Variants in CDH18 observed in about 807,000 individuals in gnomAD.
The protein encoded by CDH18 is cadherin 18.
CDH18 carries 31 observed loss-of-function variants against 67.9 expected under a neutral mutation model. The ratio of observed to expected loss-of-function variants is 0.46; its 90% CI spans 0.34 to 0.62. The LOEUF (loss-of-function observed/expected upper bound fraction) is 0.62. Among genes scored for constraint, CDH18 ranks in the 20% least tolerant of loss-of-function variants. The pLI, the probability that CDH18 is intolerant of heterozygous loss-of-function variation, is 0.01. For synonymous variants in CDH18, 362 were observed against 347.2 expected (o/e 1.04, Z -0.48); for missense variants, 890 against 975.5 (o/e 0.91, Z 1.17).
intron 2 of CDH18, among the ~76,000 whole-genome samples, chr5:20,198,128 G>C (rs1170033022): frequency 6.6e-6 from 1 of 152,174 alleles, no homozygotes; most frequent in Non-Finnish European, 1.5e-5. Context: ...TCAGAGCAGT[G>C]TGAGAGTGAC....
chr5:20,254,108 AGTTTTTT>A (rs1485846694), intron 2 of CDH18, among the ~76,000 whole-genome samples: 3 of 152,040 alleles, frequency 2.0e-5, no homozygotes, highest in African/African-American at 7.2e-5. Context: ...TTTTAGCATT[AGTTTTTT>A]GTTTTTTGTT....
intron 5 of CDH18, among the ~76,000 whole-genome samples, chr5:19,674,918 C>T (rs1759255813): frequency 6.6e-6 from 1 of 152,060 alleles, no homozygotes; most frequent in African/African-American, 2.4e-5. Context: ...AAGAAACGGT[C>T]ATTTATCACG....
chr5:19,581,119 G>A (rs1743182854), intron 7 of CDH18, among the ~76,000 whole-genome samples: 1 of 151,746 alleles, frequency 6.6e-6, no homozygotes, highest in Non-Finnish European at 1.5e-5. Flanking sequence ...GTTTATTCTG[G>A]CATAATTTTT....
At chr5:20,164,449 G>A (rs577503155) in intron 2 of CDH18, among the ~76,000 whole-genome samples, 22 of 151,970 alleles carry the variant, frequency 1.4e-4, no homozygotes, top group African/African-American at 3.1e-4. Context: ...CACCACACCC[G>A]GCTAATGTTT....
chr5:19,975,778 A>G (rs918032482), intron 2 of CDH18, among the ~76,000 whole-genome samples: 2 of 152,182 alleles, frequency 1.3e-5, no homozygotes, highest in African/African-American at 4.8e-5. Flanking sequence ...AAGAATGGCT[A>G]TCATTTCTAG....
intron 2 of CDH18, among the ~76,000 whole-genome samples, chr5:19,971,861 AG>A (rs1344441751): frequency 6.5e-5 from 2 of 30,844 alleles, no homozygotes; most frequent in Non-Finnish European, 1.6e-4. Flanking sequence ...AAAAAAAAAG[AG>A]AGAGAGAGAG....
chr5:19,973,491 T>C (rs1798219355), intron 2 of CDH18, among the ~76,000 whole-genome samples: 1 of 152,122 alleles, frequency 6.6e-6, no homozygotes, highest in South Asian at 2.1e-4. Context: ...CAAAGGTAAG[T>C]GAATGCTCAA....
intron 3 of CDH18, among the ~76,000 whole-genome samples, chr5:19,817,331 A>T (rs1779398508): frequency 6.6e-6 from 1 of 151,964 alleles, no homozygotes; most frequent in South Asian, 2.1e-4. Flanking sequence ...TCAAAATTAA[A>T]CTTACTTATC....
chr5:19,955,665 C>A (rs1480360326), intron 2 of CDH18, among the ~76,000 whole-genome samples: 1 of 151,504 alleles, frequency 6.6e-6, no homozygotes, highest in Non-Finnish European at 1.5e-5. Context: ...TTCCTAGTTG[C>A]TAAAGAATTT....
intron 2 of CDH18, among the ~76,000 whole-genome samples, chr5:20,193,555 A>G (rs1408212885): frequency 6.6e-6 from 1 of 152,108 alleles, no homozygotes; most frequent in African/African-American, 2.4e-5. Flanking sequence ...AAACAATTTA[A>G]AAGGAGAGAC....
At chr5:19,524,483 T>A (rs1055165393) in intron 9 of CDH18, among the ~76,000 whole-genome samples, 2 of 151,880 alleles carry the variant, frequency 1.3e-5, no homozygotes, top group African/African-American at 4.8e-5. Context: ...TCAAAATGCT[T>A]ATTTTATAAA....
chr5:20,409,261 C>CAAATATT (rs1421845104), intron 1 of CDH18, among the ~76,000 whole-genome samples: 7 of 151,814 alleles, frequency 4.6e-5, no homozygotes, highest in African/African-American at 1.7e-4. Context: ...CAAGATACAG[C>CAAATATT]AAATATTAGG....
chr5:20,418,585 T>G (rs1580956194), intron 1 of CDH18, among the ~76,000 whole-genome samples: 1 of 152,120 alleles, frequency 6.6e-6, no homozygotes, highest in Non-Finnish European at 1.5e-5. Context: ...TAGGTGGGTT[T>G]TTCAATTTTA....
chr5:19,911,797 C>A (rs1016512060), intron 2 of CDH18, among the ~76,000 whole-genome samples: 3 of 152,162 alleles, frequency 2.0e-5, no homozygotes, highest in Admixed American at 2.0e-4. Context: ...CCTACTTAGA[C>A]AATATCCATA....
At chr5:19,866,788 G>A (rs978654578) in intron 2 of CDH18, among the ~76,000 whole-genome samples, 1 of 151,852 alleles carries the variant, frequency 6.6e-6, no homozygotes, top group Non-Finnish European at 1.5e-5. Flanking sequence ...ATACAGTTAG[G>A]GCATTAAAAA....
upstream of CDH18, among the ~76,000 whole-genome samples, chr5:19,992,529 A>C (rs2150387143): frequency 6.6e-6 from 1 of 152,220 alleles, no homozygotes; most frequent in South Asian, 2.1e-4. Flanking sequence ...AGTTAAGCAA[A>C]TATTTTCCTA....
At chr5:20,395,558 A>G (rs1745215276) in intron 1 of CDH18, among the ~76,000 whole-genome samples, 1 of 152,208 alleles carries the variant, frequency 6.6e-6, no homozygotes, top group South Asian at 2.1e-4. Flanking sequence ...CATGTAACCA[A>G]CAATAACTTG....
chr5:19,932,981 CT>C (rs2150204885), intron 2 of CDH18, among the ~76,000 whole-genome samples: 1 of 151,742 alleles, frequency 6.6e-6, no homozygotes, highest in East Asian at 1.9e-4. Context: ...GCTTCTAATA[CT>C]GTATTACATA....
chr5:19,542,585 A>G (rs1750445293), intron 9 of CDH18, among the ~76,000 whole-genome samples: 1 of 152,228 alleles, frequency 6.6e-6, no homozygotes, highest in Non-Finnish European at 1.5e-5. Context: ...CAATAAAAAA[A>G]TGAAGTACCA....
Sources: gnomAD v4.1 joint callset for allele counts (sites outside exome capture counted in the v4.1 genomes callset) on GRCh38, gnomAD v4.1.1 for gene constraint, MANE v1.5 for transcripts, NCBI Gene and HGNC (gene_info 2026-07-23, HGNC 2026-07-21) for gene names.